ECHDC1: variants seen among roughly 807,000 people sequenced by gnomAD.
ECHDC1 encodes ethylmalonyl-CoA decarboxylase 1.
ECHDC1 carries 29 observed loss-of-function variants against 29.7 expected under a neutral mutation model. That is an observed-to-expected ratio of 0.98 (90% CI 0.73 to 1.33). ECHDC1 has a LOEUF of 1.33. Among genes scored for constraint, ECHDC1 ranks in the 40% most tolerant of loss-of-function variants. ECHDC1 has a pLI of 0.00. For missense variants in ECHDC1, 328 were observed against 350.0 expected (o/e 0.94, Z 0.50); for synonymous variants, 126 against 123.1 (o/e 1.02, Z -0.15).
At chr6:127,298,318 G>T (rs1332257199) in intron 5 of ECHDC1, among the ~76,000 whole-genome samples, 2 of 112,816 alleles carry the variant, frequency 1.8e-5, no homozygotes, top group Non-Finnish European at 4.6e-5. Flanking sequence ...ATAAAAATGT[G>T]TACATGCTTT....
At position 127,326,986 on chromosome 6, in the gene ECHDC1, T is replaced by C; in HGVS notation, c.363+16A>G. The C allele has an allele frequency of 6.2e-7, 1 of 1,608,688 alleles. No individual in the cohort carries two copies. The highest frequency in any genetic ancestry group is 8.5e-7 in the Non-Finnish European group (1 of 1,177,476). On this transcript the variant is annotated intron_variant, in intron 3 of 5. Transcript: ENST00000454859. ...TAAACATGTAGAATCAAATGCATAA[T>C]TCATATAACACTTGCCTCTGGAGTT...
chr6:127,326,396 AT>A, intron 3 of ECHDC1: 1 of 293,814 alleles, frequency 3.4e-6, no homozygotes, highest in South Asian at 3.6e-5. Context: ...AGTCAATGAA[AT>A]GTCTTTTCTT....
chr6:127,329,531 G>C (rs938430485), intron 2 of ECHDC1, among the ~76,000 whole-genome samples: 1 of 151,874 alleles, frequency 6.6e-6, no homozygotes, highest in Non-Finnish European at 1.5e-5. Flanking sequence ...TGAACATATA[G>C]AACTACAAAG....
chr6:127,309,621 T>C (rs536774571), intron 5 of ECHDC1, among the ~76,000 whole-genome samples: 238 of 152,198 alleles, frequency 1.6e-3, no homozygotes, highest in Non-Finnish European at 2.5e-3. Flanking sequence ...TTAGGGTCAC[T>C]GTACTTGGCA....
At chr6:127,309,230 TA>T (rs1308909432) in intron 5 of ECHDC1, among the ~76,000 whole-genome samples, 4 of 151,796 alleles carry the variant, frequency 2.6e-5, no homozygotes, top group South Asian at 4.2e-4. Context: ...AAAACCAAAA[TA>T]GCATAAAAAC....
intron 4 of ECHDC1, chr6:127,316,171 G>C (rs1582969404): frequency 4.3e-6 from 2 of 463,962 alleles, no homozygotes; most frequent in South Asian, 1.8e-5. Context: ...AACTTTCCCA[G>C]TATCTATTCC....
At chr6:127,326,037 AATC>A (rs1338068369) in intron 3 of ECHDC1, among the ~76,000 whole-genome samples, 1 of 152,164 alleles carries the variant, frequency 6.6e-6, no homozygotes, top group Admixed American at 6.5e-5. Flanking sequence ...ATATAAATGA[AATC>A]ATACAGTAGA....
At chr6:127,327,711 G>A (rs1311497764) in intron 2 of ECHDC1, among the ~76,000 whole-genome samples, 1 of 152,124 alleles carries the variant, frequency 6.6e-6, no homozygotes, top group African/African-American at 2.4e-5. Flanking sequence ...CCTCTGAGGG[G>A]CTTGAGGCAT....
chr6:127,309,239 AACAG>A (rs1219705110), intron 5 of ECHDC1, among the ~76,000 whole-genome samples: 1 of 152,094 alleles, frequency 6.6e-6, no homozygotes, highest in Non-Finnish European at 1.5e-5. Context: ...ATAGCATAAA[AACAG>A]ACAACCAGTG....
chr6:127,336,747 C>A (rs72961085), intron 1 of ECHDC1, among the ~76,000 whole-genome samples: 10,617 of 151,760 alleles, frequency 0.07, 397 homozygotes, highest in South Asian at 0.098. Context: ...AAAATGGAAG[C>A]GGGGAAAAGT....
chr6:127,319,452 A>G (rs1434300872), intron 3 of ECHDC1, among the ~76,000 whole-genome samples: 1 of 152,234 alleles, frequency 6.6e-6, no homozygotes, highest in Non-Finnish European at 1.5e-5. Flanking sequence ...TACTGGCAAT[A>G]GATAATGAGT....
At chr6:127,292,380 A>G (rs911429695) in intron 5 of ECHDC1, among the ~76,000 whole-genome samples, 1 of 152,058 alleles carries the variant, frequency 6.6e-6, no homozygotes, top group Non-Finnish European at 1.5e-5. Context: ...TATAAGGTAA[A>G]GTGTGTCTTT....
In ECHDC1 at chr6:127,330,821, T is replaced by C; in HGVS notation, c.208A>G (p.Asn70Asp). 6.2e-7 allele frequency: 1 copy of C among 1,613,442 alleles called. No homozygotes were observed. The change falls in exon 2 of 6, where the codon AAT becomes GAT. Residue 70 changes from asparagine to aspartate, a missense_variant. Coordinates refer to ENST00000454859, the MANE Select transcript of ECHDC1 (RefSeq NM_001002030.2). ...AGATCCCTAATACCTGAAAAGGCATTCATTCTACTTGGATTGTTCAGAGTA... is the reference window on the plus strand; with the variant it reads ...AGATCCCTAATACCTGAAAAGGCATCCATTCTACTTGGATTGTTCAGAGTA... ...ILTLNNPSRM[N>D]AFSGVMMLQL...
chr6:127,331,077 C>CA (rs765209150), intron 1 of ECHDC1, 47 bp from the exon 2 acceptor site: 1 of 1,430,620 alleles, frequency 7.0e-7, no homozygotes, highest in South Asian at 1.2e-5. Flanking sequence ...AATAGGCACT[C>CA]ACTTTTCTAA....
chr6:127,312,649 T>C (rs539893746), intron 5 of ECHDC1, among the ~76,000 whole-genome samples: 1 of 152,306 alleles, frequency 6.6e-6, no homozygotes, highest in East Asian at 1.9e-4. Context: ...CACAACAGCT[T>C]TATTTATAAT....
At chr6:127,337,575 A>T (rs1583018612) in intron 1 of ECHDC1, among the ~76,000 whole-genome samples, 1 of 152,220 alleles carries the variant, frequency 6.6e-6, no homozygotes, top group South Asian at 2.1e-4. Context: ...CCTTCCTAAA[A>T]TATGTAAAAC....
intron 1 of ECHDC1, chr6:127,342,605 G>C (rs1356266594): frequency 2.1e-6 from 1 of 477,864 alleles, no homozygotes; most frequent in Non-Finnish European, 3.7e-6. Context: ...TGTTTTCCTT[G>C]CCCTTGTCCA....
At chr6:127,316,635 C>T in intron 3 of ECHDC1, 133 bp from the exon 4 acceptor site, 1 of 677,352 alleles carries the variant, frequency 1.5e-6, no homozygotes, top group Non-Finnish European at 2.4e-6. Context: ...CCATTTAAAA[C>T]TCTTTGATGT....
rs373235093 is a variant in ECHDC1 at position 127,289,960 on chromosome 6, G to C, written c.815C>G (p.Ala272Gly). The C allele has an allele frequency of 5.2e-5, 84 of 1,613,470 alleles. No homozygotes were observed. The highest frequency in any genetic ancestry group is 6.9e-5 in the Non-Finnish European group (81 of 1,179,710). The change falls in exon 6 of 6, where the codon GCA becomes GGA. Residue 272 changes from alanine (A) to glycine (G), a missense_variant. Physicochemically the swap from Ala to Gly is moderately conservative, Grantham distance 60 (BLOSUM62 0). Coordinates refer to ENST00000454859, the MANE Select transcript of ECHDC1 (RefSeq NM_001002030.2). ...TAAAAGATCTCTTTCGTTCTGTAAT[G>C]CTTCCTCCAAATATAGCTCTCTGCC... Reference protein sequence around the residue: ...CSGRELYLEEALQNERDLLGT... With the variant: ...CSGRELYLEEGLQNERDLLGT...
Sources: gnomAD v4.1 joint callset for allele counts (sites outside exome capture counted in the v4.1 genomes callset) on GRCh38, gnomAD v4.1.1 for gene constraint, MANE v1.5 for transcripts, NCBI Gene and HGNC (gene_info 2026-07-23, HGNC 2026-07-21) for gene names.